POLA1: variants seen among roughly 807,000 people sequenced by gnomAD.
POLA1 encodes the protein DNA polymerase alpha catalytic subunit.
A neutral mutation model predicts 124.0 loss-of-function variants in POLA1; 15 were observed. The observed-to-expected ratio is 0.12, with a 90% CI of 0.08 to 0.19. The LOEUF (loss-of-function observed/expected upper bound fraction) is 0.19. Among genes scored for constraint, POLA1 ranks in the 10% least tolerant of loss-of-function variants. The pLI is 1.00. For synonymous variants in POLA1, 408 were observed against 389.4 expected, an observed-to-expected ratio of 1.05 and a Z score of -0.56; for missense variants, 886 against 1,103.4, an observed-to-expected ratio of 0.80 and a Z score of 2.79.
At chrX:24,825,090 G>A (rs1238283891) in intron 31 of POLA1, among the ~76,000 whole-genome samples, 2 of 111,966 alleles carry the variant, frequency 1.8e-5, no homozygotes, top group Non-Finnish European at 3.8e-5. Context: ...GACACTGCCG[G>A]AGGATTTTTT....
intron 34 of POLA1, among the ~76,000 whole-genome samples, chrX:24,853,913 G>A (rs1429345795): frequency 8.9e-6 from 1 of 112,159 alleles, no homozygotes; most frequent in East Asian, 2.8e-4. Context: ...TATATTTAAA[G>A]GTTGCAATTT....
At chrX:24,714,240 C>G (rs1602266789) in intron 4 of POLA1, among the ~76,000 whole-genome samples, 1 of 112,007 alleles carries the variant, frequency 8.9e-6, no homozygotes, top group South Asian at 3.7e-4. Context: ...TCACTGCAAG[C>G]TCCACCTTCT....
chrX:24,787,134 T>A (rs1390139835), intron 26 of POLA1, among the ~76,000 whole-genome samples: 1 of 111,520 alleles, frequency 9.0e-6, no homozygotes, highest in African/African-American at 3.3e-5. Context: ...TAACCCCTTA[T>A]CAGATAATAT....
intron 32 of POLA1, among the ~76,000 whole-genome samples, chrX:24,833,776 T>C (rs1213194698): frequency 8.0e-5 from 9 of 112,200 alleles, no homozygotes; most frequent in Non-Finnish European, 1.7e-4. Flanking sequence ...AGTTACCATC[T>C]TTTCTCAGGT....
rs1931959703 is a variant in POLA1 at position 24,745,672 on chromosome X, G to T, written c.2691+130G>T. 9 of 414,163 alleles carry T rather than the reference G, an allele frequency of 2.2e-5. No individual in the cohort carries two copies. In the Admixed American group the frequency reaches 4.2e-4, roughly 19 times the overall value. The allele number at this position is 414,163 out of a possible 1,213,427, so 34.1% of individuals were successfully genotyped here. On this transcript the variant is annotated intron_variant, in intron 24 of 36. Coordinates refer to ENST00000379068, the MANE Select transcript of POLA1 (RefSeq NM_001330360.2). Reference sequence around the variant, plus strand: ...ACCATATACTTCACCTGTTTGAAGTGTGTAGTTCAGTGGCTTTTAGTGTAT... The same window carrying T: ...ACCATATACTTCACCTGTTTGAAGTTTGTAGTTCAGTGGCTTTTAGTGTAT...
chrX:24,790,424 T>C (rs761039632), intron 26 of POLA1, among the ~76,000 whole-genome samples: 6 of 111,871 alleles, frequency 5.4e-5, no homozygotes, highest in Non-Finnish European at 1.1e-4. Flanking sequence ...AAATTGGCTT[T>C]GTTGCAGATA....
chrX:24,989,417 T>G (rs752238100), intron 36 of POLA1, among the ~76,000 whole-genome samples: 56 of 110,523 alleles, frequency 5.1e-4, no homozygotes, highest in Non-Finnish European at 9.3e-4. Flanking sequence ...AATTGGACAT[T>G]AAGATTTTTA....
chrX:24,751,445 A>T (rs1166348433), intron 26 of POLA1, among the ~76,000 whole-genome samples: 1 of 112,244 alleles, frequency 8.9e-6, no homozygotes, highest in East Asian at 2.8e-4. Context: ...CCACTAAAAA[A>T]CAAAGGATTT....
chrX:24,952,610 G>A (rs184743839), intron 36 of POLA1, among the ~76,000 whole-genome samples: 2 of 112,432 alleles, frequency 1.8e-5, no homozygotes, highest in East Asian at 5.5e-4. Flanking sequence ...TTATGACATG[G>A]CTCAGCTAAA....
chrX:24,824,959 A>T (rs1271707848), intron 31 of POLA1, among the ~76,000 whole-genome samples: 2 of 111,745 alleles, frequency 1.8e-5, no homozygotes, highest in Admixed American at 9.5e-5. Flanking sequence ...ACCATTAAAA[A>T]TTGTTAAACT....
At chrX:24,712,487 A>G (rs1929529060) in intron 4 of POLA1, among the ~76,000 whole-genome samples, 1 of 112,081 alleles carries the variant, frequency 8.9e-6, no homozygotes, top group Non-Finnish European at 1.9e-5. Flanking sequence ...TGGGCTTTTT[A>G]TCTTTTAAGT....
At chrX:24,705,658 C>G (rs976430077) in intron 4 of POLA1, among the ~76,000 whole-genome samples, 1 of 110,996 alleles carries the variant, frequency 9.0e-6, no homozygotes, top group African/African-American at 3.3e-5. Flanking sequence ...GTTTTCATGT[C>G]TCTTTAGTCT....
At chrX:24,991,801 C>G (rs775503320) in intron 36 of POLA1, among the ~76,000 whole-genome samples, 1 of 112,458 alleles carries the variant, frequency 8.9e-6, no homozygotes, top group Non-Finnish European at 1.9e-5. Context: ...ATAATTATTT[C>G]TAAGTAGGAA....
At position 24,716,453 on chromosome X, in the gene POLA1, C is replaced by T. The variant is rs200756660; in HGVS notation, c.617C>T (p.Thr206Met). The change falls in exon 7 of 37, where the codon ACG becomes ATG. Residue 206 changes from threonine (T) to methionine (M), a missense_variant and splice_region_variant. Thr to Met is a moderately conservative substitution (Grantham distance 81). Around this residue, in one of 7 missense-constraint regions of POLA1, gnomAD observed 337 missense variants for 402.8 expected, o/e 0.84. Transcript: ENST00000379068. ...SPNPFSVHTA[T>M]AVPSGKIASP... ...AATCCTTTCTCTGTGCACACCGCCA[C>T]GGTAAAGTGTGTAGAGATACCTTCA... 2.8e-5 allele frequency: 30 copies of T among 1,070,604 alleles called. No individual in the cohort carries two copies. Among genetic ancestry groups the T allele is most frequent in the African/African-American group, 7.3e-5 (4 of 54,671 alleles). 88.2% of individuals were successfully genotyped at this position (1,070,604 alleles called of 1,213,427 possible).
At chrX:24,932,404 A>C (rs1342555032) in intron 36 of POLA1, among the ~76,000 whole-genome samples, 1 of 111,979 alleles carries the variant, frequency 8.9e-6, no homozygotes, top group African/African-American at 3.2e-5. Context: ...GATTTAGCCC[A>C]TCCTCTTAGA....
chrX:24,741,388 C>T lies in POLA1; in HGVS notation c.2230C>T (p.Leu744=). 8.4e-7 allele frequency: 1 copy of T among 1,189,582 alleles called. No homozygotes were observed. The highest frequency in any genetic ancestry group is 1.7e-5 in the African/African-American group (1 of 57,286). The part of the protein sequence containing the change: ...IQNMYSESSQ[L]LYLLEHTWKD... ...TTTTCTGTACAGTGAATCTTCTCAA[C>T]TGTTATACCTGTTGGAACACACCTG... Residue 744 remains leucine (L), a synonymous_variant, in exon 21 of 37, where the codon CTG becomes TTG. Transcript: ENST00000379068.
intron 24 of POLA1, 37 bp downstream of exon 24, chrX:24,745,579 A>T (rs763933533): frequency 1.5e-5 from 15 of 1,004,726 alleles, no homozygotes; most frequent in Middle Eastern, 5.3e-4. Context: ...AATTGAGTTT[A>T]AAAAAATTGC....
chrX:24,826,342 G>T, intron 31 of POLA1, 85 bp from the exon 32 acceptor site: 1 of 649,719 alleles, frequency 1.5e-6, no homozygotes, highest in Non-Finnish European at 2.2e-6. Flanking sequence ...CTCTCTGTTT[G>T]ACCAAGCAAG....
intron 26 of POLA1, among the ~76,000 whole-genome samples, chrX:24,808,765 C>G (rs2045848873): frequency 8.9e-6 from 1 of 111,871 alleles, no homozygotes. Flanking sequence ...ACAGGATTTA[C>G]AAAGCTCTGT....
Sources: allele counts gnomAD v4.1 joint callset (sites outside exome capture counted in the v4.1 genomes callset), GRCh38; gene constraint gnomAD v4.1.1; regional missense constraint gnomAD v4.1.1; transcripts MANE v1.5; gene names NCBI Gene and HGNC (gene_info 2026-07-23, HGNC 2026-07-21).